Variants in CCDC178 observed in about 807,000 individuals in gnomAD.
CCDC178 encodes coiled-coil domain-containing protein 178.
CCDC178 carries 126 observed loss-of-function variants against 117.4 expected under a neutral mutation model. The observed-to-expected ratio is 1.07, with a 90% CI of 0.93 to 1.24. The LOEUF is 1.24. Among genes scored for constraint, CCDC178 ranks in the 50% most tolerant of loss-of-function variants. CCDC178 has a pLI of 0.00. For missense variants in CCDC178, 1,030 were observed against 986.9 expected (o/e 1.04, Z -0.59); for synonymous variants, 283 against 313.4 (o/e 0.90, Z 1.02).
chr18:33,217,640 TA>T (rs941203546), intron 18 of CCDC178, among the ~76,000 whole-genome samples: 3 of 152,042 alleles, frequency 2.0e-5, no homozygotes, highest in African/African-American at 7.2e-5. Flanking sequence ...AAATAAATGG[TA>T]ATTTGTATTT....
intron 21 of CCDC178, among the ~76,000 whole-genome samples, chr18:33,078,109 G>A (rs973934662): frequency 6.6e-6 from 1 of 152,116 alleles, no homozygotes; most frequent in African/African-American, 2.4e-5. Context: ...CTTCATCCTC[G>A]GGATGCAAGG....
At chr18:33,012,038 A>G (rs551538583) in intron 21 of CCDC178, among the ~76,000 whole-genome samples, 59 of 152,266 alleles carry the variant, frequency 3.9e-4, no homozygotes, top group African/African-American at 1.3e-3. Context: ...ATGAATTTCT[A>G]TCACAATAAT....
intron 3 of CCDC178, among the ~76,000 whole-genome samples, chr18:33,410,803 A>G (rs1250121458): frequency 6.6e-6 from 1 of 152,160 alleles, no homozygotes; most frequent in South Asian, 2.1e-4. Context: ...TGATCAATAA[A>G]ATGTGACAGA....
chr18:32,999,577 AGTG>A (rs1038024827), intron 21 of CCDC178, among the ~76,000 whole-genome samples: 2 of 152,274 alleles, frequency 1.3e-5, no homozygotes, highest in African/African-American at 4.8e-5. Context: ...GTGTGGTCCC[AGTG>A]GTGGTGGCCA....
intron 22 of CCDC178, among the ~76,000 whole-genome samples, chr18:32,942,768 C>T (rs1048886782): frequency 6.6e-6 from 1 of 152,068 alleles, no homozygotes; most frequent in Non-Finnish European, 1.5e-5. Flanking sequence ...GCTATTAATG[C>T]TTCGCAGTGC....
intron 21 of CCDC178, among the ~76,000 whole-genome samples, chr18:32,987,141 G>C (rs1391356205): frequency 6.6e-6 from 1 of 151,802 alleles, no homozygotes; most frequent in Non-Finnish European, 1.5e-5. Context: ...ATACTAGAAA[G>C]AGGTAAAAAA....
At chr18:32,973,272 T>C (rs1488425154) in intron 22 of CCDC178, among the ~76,000 whole-genome samples, 1 of 152,124 alleles carries the variant, frequency 6.6e-6, no homozygotes, top group Non-Finnish European at 1.5e-5. Context: ...TAAAAACATT[T>C]GGACAAAAAT....
intron 21 of CCDC178, among the ~76,000 whole-genome samples, chr18:33,054,401 A>T (rs528830755): frequency 6.6e-6 from 1 of 152,172 alleles, no homozygotes; most frequent in East Asian, 1.9e-4. Flanking sequence ...TCCATTAGTT[A>T]TTCTTCTTGA....
chr18:33,386,670 C>A (rs1241977877), intron 5 of CCDC178, among the ~76,000 whole-genome samples: 1 of 152,048 alleles, frequency 6.6e-6, no homozygotes, highest in Non-Finnish European at 1.5e-5. Context: ...ATTCAACATC[C>A]CTTCATGTAA....
chr18:33,174,579 G>A (rs999403115), intron 20 of CCDC178, among the ~76,000 whole-genome samples: 1 of 152,240 alleles, frequency 6.6e-6, no homozygotes, highest in African/African-American at 2.4e-5. Flanking sequence ...GTCATCACAT[G>A]AGACACTTCT....
chr18:33,147,850 C>T (rs113553795), intron 20 of CCDC178, among the ~76,000 whole-genome samples: 6,564 of 152,222 alleles, frequency 0.043, 173 homozygotes, highest in East Asian at 0.11. Flanking sequence ...CTGCCATTGT[C>T]ATCATGGCCC....
intron 16 of CCDC178, among the ~76,000 whole-genome samples, chr18:33,225,989 C>T (rs2059298761): frequency 6.6e-6 from 1 of 152,006 alleles, no homozygotes; most frequent in Admixed American, 6.6e-5. Flanking sequence ...TGGAGAAACC[C>T]TGTCTCTACT....
At chr18:33,053,808 AGTTTTAAAAT>A (rs2056784067) in intron 21 of CCDC178, among the ~76,000 whole-genome samples, 1 of 152,202 alleles carries the variant, frequency 6.6e-6, no homozygotes. Flanking sequence ...AATACAATTC[AGTTTTAAAAT>A]GTATCTGGGT....
rs541010871 is a variant in CCDC178 at position 33,425,226 on chromosome 18, CAG to C, written c.-22-13118_-22-13117del. ...ATCGAGCAAGGCAGCAAACAGGAAA[CAG>C]AGACAGGATCTCAACCAAGGTCTGA... On this transcript the variant is annotated intron_variant, in intron 2 of 22. Coordinates refer to ENST00000383096, the MANE Select transcript of CCDC178 (RefSeq NM_001105528.4). Among the ~76,000 whole-genome samples the C allele has an allele frequency of 1.9e-3, 284 of 152,256 alleles. 1 individual carries two copies. Among genetic ancestry groups the C allele is most frequent in the African/African-American group, 6.4e-3 (267 of 41,552 alleles).
chr18:33,383,852 C>T (rs550171235), intron 5 of CCDC178, among the ~76,000 whole-genome samples: 5 of 152,016 alleles, frequency 3.3e-5, no homozygotes, highest in Admixed American at 6.5e-5. Context: ...AGAATGGGGC[C>T]GAAGCTGAGA....
intron 21 of CCDC178, among the ~76,000 whole-genome samples, chr18:33,084,518 G>A (rs2057346825): frequency 1.3e-5 from 2 of 152,008 alleles, no homozygotes; most frequent in South Asian, 4.1e-4. Context: ...GGTGGTATAA[G>A]ATTCGGATTA....
chr18:32,994,450 C>G (rs2055460549), intron 21 of CCDC178, among the ~76,000 whole-genome samples: 9 of 152,084 alleles, frequency 5.9e-5, no homozygotes, highest in Admixed American at 5.2e-4. Flanking sequence ...TTTTAATCTC[C>G]TTCTCTGGGC....
intron 11 of CCDC178, among the ~76,000 whole-genome samples, chr18:33,314,006 C>T (rs569617101): frequency 1.3e-3 from 200 of 150,974 alleles, no homozygotes; most frequent in Non-Finnish European, 1.9e-3. Context: ...CGAGACCATC[C>T]CGGCTAAAAC....
chr18:33,132,695 A>G (rs1284941982), intron 20 of CCDC178, among the ~76,000 whole-genome samples: 2 of 151,760 alleles, frequency 1.3e-5, no homozygotes, highest in Non-Finnish European at 3.0e-5. Flanking sequence ...ATTGTTAAGA[A>G]CAACAAACAC....
Sources: gnomAD v4.1 joint callset for allele counts (sites outside exome capture counted in the v4.1 genomes callset) on GRCh38, gnomAD v4.1.1 for gene constraint, MANE v1.5 for transcripts, NCBI Gene and HGNC (gene_info 2026-07-23, HGNC 2026-07-21) for gene names.